The following AIM2 variants were observed in gnomAD, a reference collection of about 807,000 sequenced individuals.
AIM2 encodes interferon-inducible protein AIM2.
AIM2 carries 30 observed loss-of-function variants against 27.7 expected under a neutral mutation model. The ratio of observed to expected loss-of-function variants is 1.08; its 90% CI spans 0.81 to 1.47. AIM2 has a LOEUF of 1.47. Among genes scored for constraint, AIM2 ranks in the 40% most tolerant of loss-of-function variants. The pLI, the probability that AIM2 is intolerant of heterozygous loss-of-function variation, is 0.00. For synonymous variants in AIM2, 141 were observed against 145.3 expected (o/e 0.97, Z 0.21); for missense variants, 358 against 411.3 (o/e 0.87, Z 1.12).
intron 1 of AIM2, among the ~76,000 whole-genome samples, chr1:159,094,685 G>A (rs918126800): frequency 3.9e-5 from 6 of 152,124 alleles, no homozygotes; most frequent in African/African-American, 9.7e-5. Context: ...GCGACAGAGC[G>A]AGACTCTGTC....
chr1:159,142,452 C>T (rs939935415), upstream of AIM2, among the ~76,000 whole-genome samples: 1 of 152,102 alleles, frequency 6.6e-6, no homozygotes, highest in African/African-American at 2.4e-5. Context: ...GGTGTGTACA[C>T]ATAGGGTTGG....
chr1:159,072,202 C>A (rs978343742), intron 2 of AIM2, among the ~76,000 whole-genome samples: 2 of 152,168 alleles, frequency 1.3e-5, no homozygotes, highest in South Asian at 2.1e-4. Flanking sequence ...AAGAACTACA[C>A]CTTCTAACTT....
intron 1 of AIM2, among the ~76,000 whole-genome samples, chr1:159,099,421 T>C (rs1894043): frequency 0.6 from 91,835 of 152,082 alleles, 34,014 homozygotes; most frequent in Non-Finnish European, 0.79. Flanking sequence ...TGAAAATGCA[T>C]AGATGTGAGA....
Position 159,063,488 on chromosome 1 carries a change from T to G in AIM2, c.1003A>C (p.Lys335Gln), listed in dbSNP as rs1021700678. The part of the protein sequence containing the change: ...QLTSGVHSTI[K>Q]VIKAKKKT ...ACTTTGTTCCATGCAGTTCCCACCT[T>G]TATGGTGCTATGAACTCCAGATGTC... The change falls in exon 5 of 6, where the codon AAG becomes CAG. Residue 335 changes from lysine to glutamine, a missense_variant and splice_region_variant. Lys to Gln is a moderately conservative substitution (Grantham distance 53). Transcript: ENST00000368130. The G allele has an allele frequency of 6.2e-7, 1 of 1,611,710 alleles. No homozygotes were observed. The highest frequency in any genetic ancestry group is 8.5e-7 in the Non-Finnish European group (1 of 1,179,226).
rs372355408 is a variant in AIM2, at chr1:159,074,041, A to AAAC, written c.-20-525_-20-523dup. Among the ~76,000 whole-genome samples, 516 of 152,076 alleles carry AAAC rather than the reference A, an allele frequency of 3.4e-3. 5 individuals carry two copies. Among genetic ancestry groups the AAAC allele is most frequent in the African/African-American group, 0.011 (446 of 41,466 alleles). On this transcript the variant is annotated intron_variant, in intron 1 of 5. Coordinates refer to ENST00000368130, the MANE Select transcript of AIM2 (RefSeq NM_004833.3). ...GCAACAGGAGCGAAACTTCATCTCA[A>AAAC]AACAACAACAACAACAACAACAAAA... is the stretch of plus-strand genomic sequence containing the variant.
chr1:159,113,386 C>G (rs924078039), intron 1 of AIM2, among the ~76,000 whole-genome samples: 1 of 152,190 alleles, frequency 6.6e-6, no homozygotes, highest in Non-Finnish European at 1.5e-5. Flanking sequence ...AATTAAGATA[C>G]CTGGAGACCA....
At chr1:159,104,241 C>T (rs537234591) in intron 1 of AIM2, among the ~76,000 whole-genome samples, 2 of 152,198 alleles carry the variant, frequency 1.3e-5, no homozygotes, top group East Asian at 3.9e-4. Context: ...GACAAGAGGG[C>T]TTCTCCCCTG....
intron 1 of AIM2, among the ~76,000 whole-genome samples, chr1:159,105,718 T>G (rs904367158): frequency 2.0e-5 from 3 of 152,152 alleles, no homozygotes; most frequent in Non-Finnish European, 4.4e-5. Context: ...GGGTAGCTCC[T>G]TCCGCAGCTA....
Position 159,066,154 on chromosome 1 carries a change from T to TTTA in AIM2, c.569_571dup (p.Val190_Lys191insIle). The TTTA allele has an allele frequency of 6.2e-7, 1 of 1,614,196 alleles. No homozygotes were observed. The highest frequency in any genetic ancestry group is 8.5e-7 in the Non-Finnish European group (1 of 1,180,036). The stretch of plus-strand genomic sequence containing the variant: ...ATCTTTCAGCAGTGTATTAAAAACT[T>TTTA]TTACAAAGAAGAATTCCTTTTCTGT... On this transcript the variant is annotated inframe_insertion, in exon 4 of 6. Transcript: ENST00000368130.
intron 2 of AIM2, among the ~76,000 whole-genome samples, chr1:159,069,785 C>T (rs987327063): frequency 1.3e-5 from 2 of 152,114 alleles, no homozygotes; most frequent in East Asian, 1.9e-4. Flanking sequence ...CCTCGTGATG[C>T]GCCCACCTCA....
At chr1:159,079,478 C>A (rs761945440), upstream of AIM2, among the ~76,000 whole-genome samples, 1 of 152,084 alleles carries the variant, frequency 6.6e-6, no homozygotes, top group South Asian at 2.1e-4. Context: ...AAATAAATAC[C>A]GAATTTGATG....
In AIM2 at chr1:159,065,582, T is replaced by C. The variant is rs542538124; in HGVS notation, c.816+328A>G. ...CAACAATAGTCACTTAAAATAAAGA[T>C]AATCACAACTATAGTCACTTAAAAT... On this transcript the variant is annotated intron_variant, in intron 4 of 5. Transcript: ENST00000368130. Among the ~76,000 whole-genome samples the C allele has an allele frequency of 2.6e-5, 4 of 152,328 alleles. No individual in the cohort carries two copies. In the South Asian group the frequency reaches 8.3e-4, roughly 32 times the overall value.
downstream of AIM2, among the ~76,000 whole-genome samples, chr1:159,059,060 G>A (rs1156525302): frequency 6.6e-6 from 1 of 152,138 alleles, no homozygotes; most frequent in Non-Finnish European, 1.5e-5. Context: ...TCACTACTGC[G>A]AAGGTCCAAA....
chr1:159,132,323 G>T (rs1647908930), intron 1 of AIM2: 1 of 152,014 alleles, frequency 6.6e-6, no homozygotes, highest in African/African-American at 2.4e-5. Context: ...AGTGGAGATT[G>T]CAGTGAGCGG....
chr1:159,122,963 C>T (rs1389771829), intron 1 of AIM2, among the ~76,000 whole-genome samples: 4 of 152,094 alleles, frequency 2.6e-5, no homozygotes, highest in African/African-American at 4.8e-5. Context: ...AATCAATTAA[C>T]CTGAGGCTAT....
chr1:159,108,731 T>A (rs1395156560), intron 1 of AIM2, among the ~76,000 whole-genome samples: 1 of 152,168 alleles, frequency 6.6e-6, no homozygotes, highest in African/African-American at 2.4e-5. Flanking sequence ...AATCAGTAGC[T>A]TTTCTATACA....
At chr1:159,074,201 T>C (rs929560539) in intron 1 of AIM2, among the ~76,000 whole-genome samples, 83 of 152,342 alleles carry the variant, frequency 5.4e-4, no homozygotes, top group African/African-American at 1.8e-3. Flanking sequence ...TGAAGTGCAA[T>C]TAATCAATCT....
chr1:159,070,333 A>C (rs1020893620), intron 2 of AIM2, among the ~76,000 whole-genome samples: 68 of 152,366 alleles, frequency 4.5e-4, no homozygotes, highest in African/African-American at 1.5e-3. Flanking sequence ...ATGGATATTT[A>C]CTGAATGGAT....
At chr1:159,131,954 G>A (rs1004672665) in intron 1 of AIM2, among the ~76,000 whole-genome samples, 1 of 152,172 alleles carries the variant, frequency 6.6e-6, no homozygotes, top group East Asian at 1.9e-4. Flanking sequence ...GGGAAAGAAC[G>A]TATTTTAATG....
Sources: gnomAD v4.1 joint callset for allele counts (sites outside exome capture counted in the v4.1 genomes callset) on GRCh38, gnomAD v4.1.1 for gene constraint, MANE v1.5 for transcripts, NCBI Gene and HGNC (gene_info 2026-07-23, HGNC 2026-07-21) for gene names.